ARB2A: variants seen among roughly 807,000 people sequenced by gnomAD.
The protein encoded by ARB2A is cotranscriptional regulator ARB2A.
the ARB2A span, among the ~76,000 whole-genome samples, chr5:93,845,699 A>C: frequency 6.6e-6 from 1 of 152,346 alleles, no homozygotes; most frequent in South Asian, 2.1e-4. Flanking sequence ...CACTTAATGA[A>C]TACTAGAGCA....
the ARB2A span, among the ~76,000 whole-genome samples, chr5:94,038,585 T>C: frequency 1.3e-5 from 2 of 152,042 alleles, no homozygotes; most frequent in Non-Finnish European, 2.9e-5. Context: ...CACTGCATTC[T>C]AAAAAACAAA....
the ARB2A span, among the ~76,000 whole-genome samples, chr5:93,860,261 C>T: frequency 6.6e-6 from 1 of 152,048 alleles, no homozygotes; most frequent in South Asian, 2.1e-4. Context: ...CCACTGCACT[C>T]CAGCCTGGGC....
the ARB2A span, among the ~76,000 whole-genome samples, chr5:93,748,315 A>G: frequency 6.6e-6 from 1 of 152,144 alleles, no homozygotes; most frequent in East Asian, 1.9e-4. Context: ...AAACTTAAGT[A>G]GAAGACTTAG....
chr5:93,682,907 A>G, the ARB2A span: 1 of 1,555,974 alleles, frequency 6.4e-7, no homozygotes, highest in East Asian at 2.2e-5. Context: ...GCAATTCTTC[A>G]CATAATTGAT....
At chr5:93,714,129 A>G in the ARB2A span, among the ~76,000 whole-genome samples, 3 of 152,366 alleles carry the variant, frequency 2.0e-5, no homozygotes. Flanking sequence ...CATCTGTAAC[A>G]TGCAGTTTCA....
At chr5:93,696,066 A>G in the ARB2A span, among the ~76,000 whole-genome samples, 3 of 152,086 alleles carry the variant, frequency 2.0e-5, no homozygotes, top group Non-Finnish European at 4.4e-5. Flanking sequence ...GGAAAGCATT[A>G]GGAGAAATAC....
At chr5:93,693,592 G>A in the ARB2A span, among the ~76,000 whole-genome samples, 1 of 151,876 alleles carries the variant, frequency 6.6e-6, no homozygotes, top group East Asian at 1.9e-4. Context: ...AAAAGTCCAG[G>A]ACCAGATGGA....
the ARB2A span, among the ~76,000 whole-genome samples, chr5:93,884,164 C>T: frequency 6.6e-6 from 1 of 151,470 alleles, no homozygotes; most frequent in Non-Finnish European, 1.5e-5. Context: ...GAATAAATCT[C>T]AAATAAAGGT....
At chr5:93,716,326 A>G in the ARB2A span, among the ~76,000 whole-genome samples, 1 of 152,202 alleles carries the variant, frequency 6.6e-6, no homozygotes, top group East Asian at 1.9e-4. Context: ...TCTTCTCAGC[A>G]AAATTTATAA....
chr5:93,738,397 A>G, the ARB2A span: 1 of 152,482 alleles, frequency 6.6e-6, no homozygotes, highest in Non-Finnish European at 1.5e-5. Flanking sequence ...TAGTTTCCCA[A>G]AAAGTTAAGC....
the ARB2A span, among the ~76,000 whole-genome samples, chr5:93,650,305 C>G: frequency 6.6e-6 from 1 of 152,062 alleles, no homozygotes; most frequent in Non-Finnish European, 1.5e-5. Flanking sequence ...AATACTTTAA[C>G]AGACAAATTG....
chr5:93,867,869 G>T, the ARB2A span, among the ~76,000 whole-genome samples: 23 of 151,554 alleles, frequency 1.5e-4, no homozygotes, highest in Admixed American at 1.1e-3. Flanking sequence ...AAAACCTATT[G>T]TTTTCTTCTC....
the ARB2A span, among the ~76,000 whole-genome samples, chr5:94,052,044 C>T: frequency 6.6e-6 from 1 of 152,058 alleles, no homozygotes; most frequent in South Asian, 2.1e-4. Flanking sequence ...TGGTCTTGAA[C>T]TCCTGACCAC....
chr5:93,627,436 G>A, the ARB2A span, among the ~76,000 whole-genome samples: 1 of 137,956 alleles, frequency 7.2e-6, no homozygotes, highest in Non-Finnish European at 1.5e-5. Flanking sequence ...CTTACAAAAT[G>A]TGTTTTGTTT....
At chr5:93,817,477 C>A in the ARB2A span, among the ~76,000 whole-genome samples, 2 of 152,012 alleles carry the variant, frequency 1.3e-5, no homozygotes, top group South Asian at 4.1e-4. Flanking sequence ...CAAATCAGTC[C>A]TAAAATTCAT....
At chr5:93,967,462 C>T in the ARB2A span, among the ~76,000 whole-genome samples, 1 of 152,082 alleles carries the variant, frequency 6.6e-6, no homozygotes, top group Non-Finnish European at 1.5e-5. Flanking sequence ...GAGAGACAGA[C>T]AAGCAGATAT....
the ARB2A span, among the ~76,000 whole-genome samples, chr5:93,782,677 T>C: frequency 1.3e-5 from 2 of 152,184 alleles, no homozygotes; most frequent in African/African-American, 4.8e-5. Context: ...GTGCTATTTC[T>C]TTACATACGT....
At chr5:93,983,032 G>T in the ARB2A span, among the ~76,000 whole-genome samples, 3 of 152,066 alleles carry the variant, frequency 2.0e-5, no homozygotes, top group Non-Finnish European at 4.4e-5. Flanking sequence ...CTCCAGACTG[G>T]GCAACAAAGT....
the ARB2A span, chr5:93,964,365 CCCAAA>C: frequency 1.1e-5 from 10 of 934,532 alleles, no homozygotes; most frequent in Non-Finnish European, 1.6e-5. Flanking sequence ...TCACAGTCAA[CCCAAA>C]ACAAAAGTTT....
Sources: gnomAD v4.1 joint callset for allele counts (sites outside exome capture counted in the v4.1 genomes callset) on GRCh38, gnomAD v4.1.1 for gene constraint, MANE v1.5 for transcripts, NCBI Gene and HGNC (gene_info 2026-07-23, HGNC 2026-07-21) for gene names.